MYO16: variants seen among roughly 807,000 people sequenced by gnomAD.
MYO16 encodes myosin XVI, also known as unconventional myosin-XVI.
MYO16 carries 94 observed loss-of-function variants against 205.3 expected under a neutral mutation model. The observed-to-expected ratio is 0.46, with a 90% CI of 0.39 to 0.54. The LOEUF (loss-of-function observed/expected upper bound fraction) is 0.54, where lower values mean the gene tolerates loss of function less well. Among genes scored for constraint, MYO16 ranks in the 20% least tolerant of loss-of-function variants. MYO16 has a pLI of 0.00. For synonymous variants in MYO16, 988 were observed against 954.0 expected, an observed-to-expected ratio of 1.04 and a Z score of -0.66; for missense variants, 2,315 against 2,387.5, an observed-to-expected ratio of 0.97 and a Z score of 0.63.
chr13:108,651,017 G>T (rs113992687), intron 1 of MYO16, among the ~76,000 whole-genome samples: 1 of 152,166 alleles, frequency 6.6e-6, no homozygotes, highest in Non-Finnish European at 1.5e-5. Context: ...AGGTAGACAC[G>T]AGACACAGAG....
intron 1 of MYO16, among the ~76,000 whole-genome samples, chr13:108,635,902 G>A (rs1175466523): frequency 6.6e-6 from 1 of 151,984 alleles, no homozygotes; most frequent in African/African-American, 2.4e-5. Context: ...TGGATTTTTG[G>A]TTTCATTTAT....
rs556493052 is a variant in MYO16, at chr13:108,834,810, A to G, written c.1098-9533A>G. ...TAAAATTATTTCTTTTTTTTAACAA[A>G]TAGCATTTTACTATGTGTGTCCTTA... On this transcript the variant is annotated intron_variant, in intron 9 of 34. Transcript: ENST00000457511. Among the ~76,000 whole-genome samples, 307 of 152,060 alleles carry G rather than the reference A, an allele frequency of 2.0e-3. 1 individual carries two copies. Among genetic ancestry groups the G allele is most frequent in the African/African-American group, 7.2e-3 (300 of 41,512 alleles).
chr13:108,924,591 A>G lies in MYO16; in HGVS notation c.1925+14441A>G, dbSNP rs546423244. ...GCTTAGATCCAGATTCAGTAGAACC[A>G]TGTTCCCAGACGTACCCTGCTTACT... On this transcript the variant is annotated intron_variant, in intron 16 of 34. Coordinates refer to ENST00000457511, the MANE Select transcript of MYO16 (RefSeq NM_001198950.3). Among the ~76,000 whole-genome samples, 376 of 152,312 alleles carry G rather than the reference A, an allele frequency of 2.5e-3. 1 individual carries two copies. Among genetic ancestry groups the G allele is most frequent in the Non-Finnish European group, 4.5e-3 (308 of 68,016 alleles).
chr13:108,594,357 A>T (rs1594131406), upstream of MYO16, among the ~76,000 whole-genome samples: 1 of 152,228 alleles, frequency 6.6e-6, no homozygotes, highest in African/African-American at 2.4e-5. Context: ...CAGCCATGGT[A>T]ACCCTAATTG....
intron 22 of MYO16, among the ~76,000 whole-genome samples, chr13:109,017,315 G>A (rs991331630): frequency 2.0e-5 from 3 of 152,174 alleles, no homozygotes; most frequent in East Asian, 1.9e-4. Flanking sequence ...TGGCTTTTAC[G>A]GTTTCTGCCG....
In MYO16 at chr13:108,889,881, C is replaced by T. The variant is rs548355790; in HGVS notation, c.1659+1404C>T. Among the ~76,000 whole-genome samples the T allele has an allele frequency of 3.2e-4, 49 of 152,164 alleles. No individual in the cohort carries two copies. In the South Asian group the frequency reaches 9.1e-3, roughly 28 times the overall value. ...GACATGCCACAGTGTACTGCAAACA[C>T]GTGGCCAAAATTGAAGTCTTTCTTT... On this transcript the variant is annotated intron_variant, in intron 14 of 34. Coordinates refer to ENST00000457511, the MANE Select transcript of MYO16 (RefSeq NM_001198950.3).
At chr13:108,551,865 ACACT>A in the MYO16 span, among the ~76,000 whole-genome samples, 8 of 152,196 alleles carry the variant, frequency 5.3e-5, no homozygotes, top group Admixed American at 2.0e-4. Context: ...GCTTCCAAAT[ACACT>A]ACCAGTCAGG....
At chr13:109,103,262 T>C (rs115439091) in intron 28 of MYO16, among the ~76,000 whole-genome samples, 2,034 of 152,300 alleles carry the variant, frequency 0.013, 42 homozygotes, top group African/African-American at 0.046. Flanking sequence ...AAAGAATTCC[T>C]CCTAGTCAAT....
At chr13:108,680,055 C>A (rs1300480264) in intron 2 of MYO16, among the ~76,000 whole-genome samples, 1 of 152,188 alleles carries the variant, frequency 6.6e-6, no homozygotes, top group African/African-American at 2.4e-5. Flanking sequence ...AGCTCTGAAC[C>A]TAGAGCACTT....
chr13:108,967,177 G>GTGTGTGTA (rs1883828880), intron 20 of MYO16, among the ~76,000 whole-genome samples: 2 of 151,932 alleles, frequency 1.3e-5, no homozygotes, highest in African/African-American at 4.8e-5. Context: ...GTGTGTGTGT[G>GTGTGTGTA]TGTGTATGTA....
At chr13:109,071,887 C>T (rs1489247228) in intron 27 of MYO16, among the ~76,000 whole-genome samples, 1 of 152,060 alleles carries the variant, frequency 6.6e-6, no homozygotes, top group African/African-American at 2.4e-5. Flanking sequence ...TTTTCTATGC[C>T]CAACACACTG....
At chr13:108,881,678 G>A (rs912387341) in intron 12 of MYO16, among the ~76,000 whole-genome samples, 1 of 152,218 alleles carries the variant, frequency 6.6e-6, no homozygotes, top group African/African-American at 2.4e-5. Flanking sequence ...ATTTGATCAA[G>A]TGGAAGAAAG....
At chr13:108,565,824 A>G in the MYO16 span, among the ~76,000 whole-genome samples, 1 of 152,116 alleles carries the variant, frequency 6.6e-6, no homozygotes, top group Non-Finnish European at 1.5e-5. Flanking sequence ...TCTGTCATGT[A>G]CAGCTTTTAT....
At chr13:109,194,165 G>A (rs1237417997) in intron 34 of MYO16, among the ~76,000 whole-genome samples, 2 of 152,106 alleles carry the variant, frequency 1.3e-5, no homozygotes, top group East Asian at 3.8e-4. Flanking sequence ...TTGAATGAAA[G>A]CCCCTCGATG....
At chr13:108,704,294 T>C (rs1159118637) in intron 2 of MYO16, among the ~76,000 whole-genome samples, 2 of 152,158 alleles carry the variant, frequency 1.3e-5, no homozygotes, top group African/African-American at 4.8e-5. Context: ...AAATACTACA[T>C]ACTAAAAGAT....
intron 16 of MYO16, among the ~76,000 whole-genome samples, chr13:108,920,403 C>T (rs7992027): frequency 1.4e-5 from 2 of 147,626 alleles, no homozygotes; most frequent in African/African-American, 2.5e-5. Context: ...TCCTTCCTTC[C>T]TTCTCTCTCT....
intron 22 of MYO16, among the ~76,000 whole-genome samples, chr13:109,016,824 T>A (rs1885842822): frequency 6.6e-6 from 1 of 152,228 alleles, no homozygotes; most frequent in African/African-American, 2.4e-5. Flanking sequence ...TTGGTAGATC[T>A]TCCTCCATCT....
intron 1 of MYO16, among the ~76,000 whole-genome samples, chr13:108,662,278 C>T (rs1400408218): frequency 6.6e-6 from 1 of 152,172 alleles, no homozygotes; most frequent in Non-Finnish European, 1.5e-5. Context: ...CAGGAGGTGG[C>T]ATTTTCCAGA....
chr13:108,551,460 A>G, the MYO16 span, among the ~76,000 whole-genome samples: 1 of 151,950 alleles, frequency 6.6e-6, no homozygotes, highest in Admixed American at 6.6e-5. Context: ...CATTTCTTGA[A>G]CCTGTTTCCA....
Sources: gnomAD v4.1 joint callset for allele counts (sites outside exome capture counted in the v4.1 genomes callset) on GRCh38, gnomAD v4.1.1 for gene constraint, MANE v1.5 for transcripts, NCBI Gene and HGNC (gene_info 2026-07-23, HGNC 2026-07-21) for gene names.